The following CHMP7 variants were observed in gnomAD, a reference collection of about 807,000 sequenced individuals.
The protein encoded by CHMP7 is charged multivesicular body protein 7.
A neutral mutation model predicts 53.7 loss-of-function variants in CHMP7; 15 were observed. The observed-to-expected ratio is 0.28, with a 90% CI of 0.19 to 0.43. The LOEUF is 0.43. Ranked by LOEUF, CHMP7 falls within the 20% of genes least tolerant of loss-of-function variation. The pLI is 1.00. For missense variants in CHMP7, 527 were observed against 569.4 expected, an observed-to-expected ratio of 0.93 and a Z score of 0.76; for synonymous variants, 261 against 228.0, an observed-to-expected ratio of 1.14 and a Z score of -1.30.
At chr8:23,245,061 T>C (rs1801638197) in intron 1 of CHMP7, among the ~76,000 whole-genome samples, 1 of 152,238 alleles carries the variant, frequency 6.6e-6, no homozygotes, top group Non-Finnish European at 1.5e-5. Flanking sequence ...CATGGATAAT[T>C]ATGTCTTCTA....
chr8:23,261,995 C>T lies in CHMP7; in HGVS notation c.*1396C>T, dbSNP rs904704068. 6.6e-6 allele frequency: 1 copy of T among 152,380 alleles called. No individual in the cohort carries two copies. The allele number at this position is 152,380 out of a possible 1,614,324, so 9.4% of individuals were successfully genotyped here. On this transcript the variant is annotated 3_prime_UTR_variant, in exon 11 of 11. Coordinates refer to ENST00000397677, the MANE Select transcript of CHMP7 (RefSeq NM_152272.5). ...GTAAATAATTAAAAGAAAAACCGAA[C>T]ACTTGTCCCGTCTCCTCTTTAGGTT...
rs560972195 is a variant in CHMP7 at position 23,250,802 on chromosome 8, T to C, written c.471+1421T>C. 2.6e-5 allele frequency among the ~76,000 whole-genome samples: 4 copies of C among 152,220 alleles called. No individual in the cohort carries two copies. In the South Asian group the frequency reaches 8.3e-4, roughly 32 times the overall value. On this transcript the variant is annotated intron_variant, in intron 3 of 10. Coordinates refer to ENST00000397677, the MANE Select transcript of CHMP7 (RefSeq NM_152272.5). Reference sequence around the variant, plus strand: ...GGAGCCAGCCCAGAATCCCCACGCCTCACCCCGGGAGAAGCACCCATTTCT... The same window carrying C: ...GGAGCCAGCCCAGAATCCCCACGCCCCACCCCGGGAGAAGCACCCATTTCT...
chr8:23,254,994 C>A, intron 3 of CHMP7: 1 of 524,846 alleles, frequency 1.9e-6, no homozygotes, highest in Non-Finnish European at 3.5e-6. Flanking sequence ...GTAAAATCCC[C>A]GATGGGCGTG....
rs116759511 is a variant in CHMP7 at position 23,258,644 on chromosome 8, C to T, written c.961-88C>T. 2,574 of 1,238,030 alleles carry T rather than the reference C, an allele frequency of 2.1e-3. 64 individuals are homozygous for T. In the African/African-American group the frequency reaches 0.035, roughly 17 times the overall value. The allele number at this position is 1,238,030 out of a possible 1,614,324, so 76.7% of individuals were successfully genotyped here. ...GAGCTTGGGTGCCAAAAAAAACACC[C>T]CAAAGCTGCCTTTTGGAGTTGAAAC... On this transcript the variant is annotated intron_variant, in intron 7 of 10. Coordinates refer to ENST00000397677, the MANE Select transcript of CHMP7 (RefSeq NM_152272.5).
intron 3 of CHMP7, among the ~76,000 whole-genome samples, chr8:23,253,675 A>G (rs139535292): frequency 2.2e-4 from 33 of 152,310 alleles, no homozygotes; most frequent in African/African-American, 7.2e-4. Context: ...ATTTTTTCCT[A>G]TTAATAGCAT....
chr8:23,249,132 G>T, intron 2 of CHMP7, 78 bp from the exon 3 acceptor site: 1 of 1,258,136 alleles, frequency 7.9e-7, no homozygotes, highest in South Asian at 1.6e-5. Context: ...TCCTCTTTTA[G>T]GGTAAAGGGG....
At position 23,246,643 on chromosome 8, in the gene CHMP7, A is replaced by C; in HGVS notation, c.-53A>C. 6.8e-7 allele frequency: 1 copy of C among 1,470,234 alleles called. No homozygotes were observed. The highest frequency in any genetic ancestry group is 9.2e-7 in the Non-Finnish European group (1 of 1,091,448). 91.1% of individuals were successfully genotyped at this position (1,470,234 alleles called of 1,614,324 possible). A position where few individuals can be genotyped will look rare whatever the true frequency, so the allele number is the denominator to read the frequency against. ...GGAAGCCGGGAGGGAACGAGGGCGG[A>C]AGCGGACCAGGGCCAGGCTTGTGTT... is the stretch of plus-strand genomic sequence containing the variant. On this transcript the variant is annotated 5_prime_UTR_variant, in exon 2 of 11. Coordinates refer to ENST00000397677, the MANE Select transcript of CHMP7 (RefSeq NM_152272.5).
chr8:23,249,410 G>A (rs201155473), intron 3 of CHMP7, 29 bp downstream of exon 3: 3 of 1,540,678 alleles, frequency 1.9e-6, no homozygotes, highest in Non-Finnish European at 2.6e-6. Context: ...GTGTCTGGGT[G>A]TCACCTGGTG....
At chr8:23,247,674 A>T (rs185980006) in intron 2 of CHMP7, among the ~76,000 whole-genome samples, 2 of 152,318 alleles carry the variant, frequency 1.3e-5, no homozygotes, top group East Asian at 3.9e-4. Context: ...TGACCCACTC[A>T]GCGGTCTTGT....
chr8:23,260,381 T>C, intron 10 of CHMP7, 58 bp downstream of exon 10: 2 of 1,591,828 alleles, frequency 1.3e-6, no homozygotes, highest in Admixed American at 3.4e-5. Context: ...CTGACAGAGT[T>C]GATGGGCCCA....
intron 7 of CHMP7, 96 bp from the exon 8 acceptor site, chr8:23,258,636 A>AG: frequency 1.6e-6 from 2 of 1,230,450 alleles, no homozygotes; most frequent in Non-Finnish European, 2.3e-6. Context: ...GGTGCCAAAA[A>AG]AAACACCCCA....
chr8:23,255,799 CTT>C (rs1335323986), intron 4 of CHMP7, among the ~76,000 whole-genome samples: 2 of 136,658 alleles, frequency 1.5e-5, no homozygotes, highest in African/African-American at 5.4e-5. Context: ...GAGATGGAGT[CTT>C]GCTCTGTCGC....
intron 7 of CHMP7, 125 bp downstream of exon 7, chr8:23,258,574 C>A: frequency 7.1e-7 from 1 of 1,404,240 alleles, no homozygotes; most frequent in Non-Finnish European, 9.9e-7. Context: ...GTTGCCTTTG[C>A]CTTTCCAGTC....
At position 23,249,319 on chromosome 8, in the gene CHMP7, A is replaced by G; in HGVS notation, c.409A>G (p.Asn137Asp). 1.9e-6 allele frequency: 3 copies of G among 1,613,142 alleles called. No homozygotes were observed. Among genetic ancestry groups the G allele is most frequent in the Non-Finnish European group, 1.7e-6 (2 of 1,179,656 alleles). ...GAAGCCTCTCAAGTGGACTCTTTCTAACATGCTGGGAGATAATAAGGTTCC... is the reference window on the plus strand; with the variant it reads ...GAAGCCTCTCAAGTGGACTCTTTCTGACATGCTGGGAGATAATAAGGTTCC... ...LLKPLKWTLS[N>D]MLGDNKVPAE... Residue 137 changes from asparagine (N) to aspartate (D), a missense_variant, in exon 3 of 11, where the codon AAC (asparagine) becomes GAC (aspartate). Transcript: ENST00000397677.
chr8:23,248,669 G>A (rs755470405), intron 2 of CHMP7, among the ~76,000 whole-genome samples: 32 of 152,168 alleles, frequency 2.1e-4, no homozygotes, highest in Non-Finnish European at 3.8e-4. Flanking sequence ...TGACTGGCCC[G>A]CGGCAAGCAT....
rs988172611 is a variant in CHMP7, at chr8:23,246,588, G to A, written c.-108G>A. ...ATTTCACGCTCAGGGCGGCGGTGAC[G>A]TGTGAACGAGAAGGAGGTGGTCAAG... On this transcript the variant is annotated 5_prime_UTR_variant, in exon 2 of 11. In the 5' UTR this introduces an upstream ATG that the reference lacks. Transcript: ENST00000397677. The A allele has an allele frequency of 7.8e-6, 7 of 894,206 alleles. No homozygotes were observed. The African/African-American group carries it at 1.0e-4, about 13-fold the overall frequency. 55.4% of individuals were successfully genotyped at this position (894,206 alleles called of 1,614,324 possible).
At chr8:23,250,539 T>C (rs1373962958) in intron 3 of CHMP7, among the ~76,000 whole-genome samples, 1 of 151,464 alleles carries the variant, frequency 6.6e-6, no homozygotes, top group Non-Finnish European at 1.5e-5. Context: ...ACTTCCTACC[T>C]CCCATTCACT....
chr8:23,260,810 C>A lies in CHMP7; in HGVS notation c.*211C>A. The A allele has an allele frequency of 3.3e-6, 2 of 602,118 alleles. No homozygotes were observed. The highest frequency in any genetic ancestry group is 5.9e-6 in the Non-Finnish European group (2 of 339,696). 37.3% of individuals were successfully genotyped at this position (602,118 alleles called of 1,614,324 possible). ...TGCTCCCAGCTGTATCATGGACCTGCCTTCTCATCTTTATAGTGCCACGAT... is the reference window on the plus strand; with the variant it reads ...TGCTCCCAGCTGTATCATGGACCTGACTTCTCATCTTTATAGTGCCACGAT... On this transcript the variant is annotated 3_prime_UTR_variant, in exon 11 of 11. Transcript: ENST00000397677.
intron 1 of CHMP7, among the ~76,000 whole-genome samples, chr8:23,244,518 T>A (rs1362971049): frequency 6.6e-6 from 1 of 152,244 alleles, no homozygotes; most frequent in African/African-American, 2.4e-5. Flanking sequence ...ATTCTTTAAC[T>A]AATACCACAC....
Sources: allele counts gnomAD v4.1 joint callset (sites outside exome capture counted in the v4.1 genomes callset), GRCh38; gene constraint gnomAD v4.1.1; transcripts MANE v1.5; gene names NCBI Gene and HGNC (gene_info 2026-07-23, HGNC 2026-07-21).